The following TGFBR2 variants were observed in gnomAD, a reference collection of about 807,000 sequenced individuals.
The protein encoded by TGFBR2 is TGF-beta receptor type-2.
TGFBR2 carries 18 observed loss-of-function variants against 49.0 expected under a neutral mutation model. That is an observed-to-expected ratio of 0.37 (90% CI 0.25 to 0.54). The LOEUF (loss-of-function observed/expected upper bound fraction) is 0.54. TGFBR2 is among the 20% of genes least tolerant of loss of function. The pLI is 0.85. For synonymous variants in TGFBR2, 282 were observed against 275.9 expected (o/e 1.02, Z -0.22); for missense variants, 525 against 722.6 (o/e 0.73, Z 3.13).
At chr3:30,662,504 C>T (rs1012431746) in intron 3 of TGFBR2, among the ~76,000 whole-genome samples, 2 of 152,228 alleles carry the variant, frequency 1.3e-5, no homozygotes, top group Non-Finnish European at 2.9e-5. Context: ...GGAGAGAAGA[C>T]TTCTTTCATC....
At chr3:30,677,579 G>A (rs28762980) in intron 5 of TGFBR2, among the ~76,000 whole-genome samples, 2,482 of 152,316 alleles carry the variant, frequency 0.016, 80 homozygotes, top group African/African-American at 0.057. Context: ...AAAAGCATTA[G>A]TGGTTTTTGT....
At chr3:30,607,748 C>T (rs1697948362) in intron 1 of TGFBR2, among the ~76,000 whole-genome samples, 2 of 148,004 alleles carry the variant, frequency 1.4e-5, no homozygotes, top group South Asian at 4.3e-4. Context: ...ACTAGGCTAC[C>T]CACCTGATCG....
chr3:30,691,624 G>A lies in TGFBR2; in HGVS notation c.*25G>A, dbSNP rs752848507. ...GCTCTTCTGGGGCAGGCTGGGCCAT[G>A]TCCAAAGAGGCTGCCCCTCTCACCA... is the stretch of plus-strand genomic sequence containing the variant. On this transcript the variant is annotated 3_prime_UTR_variant, in exon 7 of 7. Coordinates refer to ENST00000295754, the MANE Select transcript of TGFBR2 (RefSeq NM_003242.6). 4.3e-6 allele frequency: 7 copies of A among 1,613,638 alleles called. No homozygotes were observed. The highest frequency in any genetic ancestry group is 1.3e-5 in the African/African-American group (1 of 74,894).
chr3:30,644,911 G>T lies in TGFBR2; in HGVS notation c.259G>T (p.Val87Leu). ...CEKPQEVCVA[V>L]WRKNDENITL... ...GAAGCCACAGGAAGTCTGTGTGGCT[G>T]TATGGTAAGCAAGCCTTTTAAGAAG... Residue 87 changes from valine (V) to leucine (L), a missense_variant, in exon 2 of 7, where the codon GTA becomes TTA. Around this residue, in one of 3 missense-constraint regions of TGFBR2, gnomAD observed 376 missense variants for 478.2 expected, o/e 0.79. Coordinates refer to ENST00000295754, the MANE Select transcript of TGFBR2 (RefSeq NM_003242.6). 6.2e-7 allele frequency: 1 copy of T among 1,613,802 alleles called. No homozygotes were observed. The highest frequency in any genetic ancestry group is 8.5e-7 in the Non-Finnish European group (1 of 1,179,700).
chr3:30,637,509 C>T (rs558265734), intron 1 of TGFBR2, among the ~76,000 whole-genome samples: 93 of 152,256 alleles, frequency 6.1e-4, no homozygotes, highest in Non-Finnish European at 9.6e-4. Context: ...GCAAGAGAGC[C>T]GGTTGATGTA....
intron 3 of TGFBR2, among the ~76,000 whole-genome samples, chr3:30,663,507 G>C (rs1183855365): frequency 6.6e-6 from 1 of 152,144 alleles, no homozygotes; most frequent in Non-Finnish European, 1.5e-5. Flanking sequence ...TTTTATTGTA[G>C]GAAGTTTTTT....
chr3:30,636,996 A>G (rs564033473), intron 1 of TGFBR2, among the ~76,000 whole-genome samples: 57 of 151,410 alleles, frequency 3.8e-4, no homozygotes, highest in African/African-American at 7.8e-4. Flanking sequence ...CCTGGGAGGC[A>G]GAGCTTATAG....
intron 5 of TGFBR2, among the ~76,000 whole-genome samples, chr3:30,685,137 G>A (rs1699600189): frequency 6.6e-6 from 1 of 152,204 alleles, no homozygotes; most frequent in African/African-American, 2.4e-5. Context: ...CATGAGTATA[G>A]GGATTGTTGT....
intron 1 of TGFBR2, among the ~76,000 whole-genome samples, chr3:30,620,812 G>A (rs1698216875): frequency 6.6e-6 from 1 of 152,140 alleles, no homozygotes; most frequent in African/African-American, 2.4e-5. Context: ...GATGGCTGAA[G>A]GGGTCTTGGT....
chr3:30,654,659 G>A (rs1465718340), intron 3 of TGFBR2, among the ~76,000 whole-genome samples: 2 of 152,216 alleles, frequency 1.3e-5, no homozygotes, highest in African/African-American at 4.8e-5. Context: ...ATGATGGATG[G>A]CCTGGTGACA....
chr3:30,692,677 A>G lies in TGFBR2; in HGVS notation c.*1078A>G, dbSNP rs886083788. On this transcript the variant is annotated 3_prime_UTR_variant, in exon 7 of 7. Transcript: ENST00000295754. ...CATCTTTCTGGGCTCCTGATTGCTCAAGCACAGTTTGGCCTGATGAAGAGG... is the reference window on the plus strand; with the variant it reads ...CATCTTTCTGGGCTCCTGATTGCTCGAGCACAGTTTGGCCTGATGAAGAGG... The G allele has an allele frequency of 3.0e-5, 7 of 233,128 alleles. No individual in the cohort carries two copies. The highest frequency in any genetic ancestry group is 5.6e-5 in the Admixed American group (1 of 17,780). 14.4% of individuals were successfully genotyped at this position (233,128 alleles called of 1,614,324 possible). A position where few individuals can be genotyped will look rare whatever the true frequency, so the allele number is the denominator to read the frequency against.
intron 1 of TGFBR2, among the ~76,000 whole-genome samples, chr3:30,620,059 T>C (rs912093074): frequency 9.9e-5 from 15 of 152,060 alleles, no homozygotes; most frequent in South Asian, 2.1e-4. Context: ...TGGTGGCGGG[T>C]GCCTGTAGTC....
intron 6 of TGFBR2, among the ~76,000 whole-genome samples, chr3:30,689,951 A>G (rs1699685285): frequency 6.6e-6 from 1 of 152,232 alleles, no homozygotes; most frequent in African/African-American, 2.4e-5. Flanking sequence ...TTACTTGTGT[A>G]CCAACAATAG....
At chr3:30,657,013 G>A (rs1404464571) in intron 3 of TGFBR2, among the ~76,000 whole-genome samples, 1 of 152,006 alleles carries the variant, frequency 6.6e-6, no homozygotes, top group African/African-American at 2.4e-5. Flanking sequence ...TTATGATGAA[G>A]TGAAACCCGT....
At position 30,676,613 on chromosome 3, in the gene TGFBR2, G is replaced by A. The variant is rs1699442696; in HGVS notation, c.1396+2367G>A. Among the ~76,000 whole-genome samples the A allele has an allele frequency of 6.6e-6, 1 of 152,152 alleles. No homozygotes were observed. The highest frequency in any genetic ancestry group is 1.5e-5 in the Non-Finnish European group (1 of 68,026). On this transcript the variant is annotated intron_variant, in intron 5 of 6. Transcript: ENST00000295754. The surrounding 1 kb of genome is among the most constrained non-coding windows in gnomAD (Gnocchi z 4.3). ...TCAGGTTGCCACAGCTTGGGTCACT[G>A]GTCCAAACTACCCAACATTTTGCCC...
At chr3:30,658,122 C>T (rs1423122962) in intron 3 of TGFBR2, among the ~76,000 whole-genome samples, 1 of 152,188 alleles carries the variant, frequency 6.6e-6, no homozygotes, top group Admixed American at 6.5e-5. Flanking sequence ...TTGGACGTGG[C>T]TGTGTTCCAG....
intron 3 of TGFBR2, 88 bp from the exon 4 acceptor site, chr3:30,671,550 C>A: frequency 1.5e-6 from 2 of 1,331,326 alleles, no homozygotes; most frequent in Non-Finnish European, 2.2e-6. Context: ...ATGCTAAAAT[C>A]TATAGATGCT....
At chr3:30,634,365 A>G (rs1698488708) in intron 1 of TGFBR2, among the ~76,000 whole-genome samples, 1 of 152,354 alleles carries the variant, frequency 6.6e-6, no homozygotes, top group South Asian at 2.1e-4. Flanking sequence ...AACTTAATTA[A>G]AAAGCACATC....
chr3:30,688,239 T>C, intron 5 of TGFBR2, 145 bp from the exon 6 acceptor site: 1 of 1,000,660 alleles, frequency 1.0e-6, no homozygotes, highest in East Asian at 2.4e-5. Flanking sequence ...TTAGCCATTA[T>C]TATTAAAATT....
Sources: allele counts gnomAD v4.1 joint callset (sites outside exome capture counted in the v4.1 genomes callset), GRCh38; gene constraint gnomAD v4.1.1; regional missense constraint gnomAD v4.1.1; non-coding constraint Gnocchi (gnomAD v3.1); transcripts MANE v1.5; gene names NCBI Gene and HGNC (gene_info 2026-07-23, HGNC 2026-07-21).